The following COL4A6 variants were observed in gnomAD, a reference collection of about 807,000 sequenced individuals.
The protein encoded by COL4A6 is collagen type IV alpha 6 chain.
A neutral mutation model predicts 126.7 loss-of-function variants in COL4A6; 59 were observed. The observed-to-expected ratio is 0.47, with a 90% confidence interval of 0.38 to 0.58. The LOEUF (loss-of-function observed/expected upper bound fraction) is 0.58. COL4A6 is among the 20% of genes least tolerant of loss of function. The pLI is 0.00. For missense variants in COL4A6, 1,285 were observed against 1,337.3 expected (o/e 0.96, Z 0.61); for synonymous variants, 547 against 496.6 (o/e 1.10, Z -1.35).
In COL4A6 at chrX:108,156,677, G is replaced by A. The variant is rs181344454; in HGVS notation, c.*323C>T. 3.3e-6 allele frequency: 1 copy of A among 300,550 alleles called. No homozygotes were observed. The highest frequency in any genetic ancestry group is 5.7e-5 in the Admixed American group (1 of 17,696). 24.8% of individuals were successfully genotyped at this position (300,550 alleles called of 1,213,427 possible). On this transcript the variant is annotated 3_prime_UTR_variant, in exon 45 of 45. Transcript: ENST00000334504. ...TTAGGAAGAGCTTTCCGATCAAGAC[G>A]GTAAGGAGAAAGCTAGCAGTCTAAG... is the stretch of plus-strand genomic sequence containing the variant.
At chrX:108,203,035 G>A (rs1569350838) in intron 12 of COL4A6, 54 bp from the exon 13 acceptor site, 2 of 1,005,070 alleles carry the variant, frequency 2.0e-6, no homozygotes, top group East Asian at 3.0e-5. Flanking sequence ...TGAACGCACA[G>A]TAGGATGGCT....
At chrX:108,157,521 A>G (rs113447258) in intron 44 of COL4A6, among the ~76,000 whole-genome samples, 4 of 111,627 alleles carry the variant, frequency 3.6e-5, no homozygotes, top group African/African-American at 1.3e-4. Context: ...TATGTGGGCA[A>G]TGACTACATG....
intron 2 of COL4A6, among the ~76,000 whole-genome samples, chrX:108,334,264 T>C (rs1321480414): frequency 2.7e-5 from 3 of 111,374 alleles, no homozygotes; most frequent in African/African-American, 9.8e-5. Context: ...AGTCGACACA[T>C]AAAATTACCC....
chrX:108,329,082 G>A (rs2147966790), intron 2 of COL4A6, among the ~76,000 whole-genome samples: 1 of 111,715 alleles, frequency 9.0e-6, no homozygotes, highest in South Asian at 3.8e-4. Context: ...GGCTGGGAAT[G>A]ATGGAGAGAA....
At chrX:108,291,978 T>C (rs1280312975) in intron 3 of COL4A6, among the ~76,000 whole-genome samples, 1 of 111,985 alleles carries the variant, frequency 8.9e-6, no homozygotes, top group Non-Finnish European at 1.9e-5. Context: ...GAGGCCTCTT[T>C]TTAATCACTG....
At chrX:108,372,313 T>C (rs1569447042) in intron 2 of COL4A6, among the ~76,000 whole-genome samples, 2 of 111,447 alleles carry the variant, frequency 1.8e-5, no homozygotes, top group Non-Finnish European at 3.8e-5. Context: ...GCCTAACATA[T>C]CTGAGTAACA....
chrX:108,266,005 G>A (rs1300916362), intron 3 of COL4A6, among the ~76,000 whole-genome samples: 1 of 111,997 alleles, frequency 8.9e-6, no homozygotes, highest in Non-Finnish European at 1.9e-5. Flanking sequence ...AGAGGCAAAG[G>A]TGAGCAGCTA....
At chrX:108,186,166 T>A (rs745727701) in intron 23 of COL4A6, among the ~76,000 whole-genome samples, 1 of 111,935 alleles carries the variant, frequency 8.9e-6, no homozygotes, top group South Asian at 3.8e-4. Context: ...GGGAGTTACA[T>A]GATATTGGCA....
intron 3 of COL4A6, among the ~76,000 whole-genome samples, chrX:108,278,525 C>G (rs1227445583): frequency 9.0e-6 from 1 of 110,791 alleles, no homozygotes; most frequent in East Asian, 2.9e-4. Flanking sequence ...ATTGGTGTAC[C>G]TGAAAGTGAC....
rs1455765450 is a variant in COL4A6 at position 108,343,159 on chromosome X, ATATATAGTGTGTGTGT to A, written c.64-32347_64-32332del. The stretch of plus-strand genomic sequence containing the variant: ...AATATATATATATATATATATATAT[ATATATAGTGTGTGTGT>A]GTGTGTGTGTGTGTGTGTGTGTGTG... On this transcript the variant is annotated intron_variant, in intron 2 of 44. Coordinates refer to ENST00000334504, the MANE Select transcript of COL4A6 (RefSeq NM_033641.4). 2.3e-4 allele frequency among the ~76,000 whole-genome samples: 16 copies of A among 68,948 alleles called. No homozygotes were observed. In the East Asian group the frequency reaches 5.9e-3, roughly 25 times the overall value. 59.9% of individuals were successfully genotyped at this position (68,948 alleles called of 115,157 possible). A position where few individuals can be genotyped will look rare whatever the true frequency, so the allele number is the denominator to read the frequency against.
chrX:108,387,957 G>A (rs1167415957), intron 2 of COL4A6, among the ~76,000 whole-genome samples: 2 of 111,808 alleles, frequency 1.8e-5, no homozygotes, highest in Non-Finnish European at 3.8e-5. Context: ...GGCCTTTTCT[G>A]CATCTATTGA....
At chrX:108,318,517 T>C (rs1469947690) in intron 2 of COL4A6, among the ~76,000 whole-genome samples, 2 of 111,081 alleles carry the variant, frequency 1.8e-5, no homozygotes, top group Non-Finnish European at 3.8e-5. Flanking sequence ...ATAAGCAACT[T>C]CAGCAAAGTC....
intron 2 of COL4A6, among the ~76,000 whole-genome samples, chrX:108,397,878 A>T (rs2040999977): frequency 8.9e-6 from 1 of 112,025 alleles, no homozygotes; most frequent in Non-Finnish European, 1.9e-5. Flanking sequence ...CAATTAGACA[A>T]AAATGTACCT....
chrX:108,285,045 A>T (rs1345194978), intron 3 of COL4A6, among the ~76,000 whole-genome samples: 1 of 111,938 alleles, frequency 8.9e-6, no homozygotes, highest in Non-Finnish European at 1.9e-5. Flanking sequence ...CCTGACAAAC[A>T]GCATTTTGTC....
intron 18 of COL4A6, among the ~76,000 whole-genome samples, chrX:108,192,272 A>C (rs1274053844): frequency 1.8e-5 from 2 of 111,906 alleles, no homozygotes. Flanking sequence ...TTAAGCCAAA[A>C]ACAAAAGCTG....
At chrX:108,172,604 C>G (rs2034347877) in intron 31 of COL4A6, 72 bp from the exon 32 acceptor site, 1 of 830,987 alleles carries the variant, frequency 1.2e-6, no homozygotes, top group Admixed American at 2.6e-5. Context: ...TTCCTCACCC[C>G]TCACTGAGCC....
intron 2 of COL4A6, among the ~76,000 whole-genome samples, chrX:108,318,175 C>T (rs1457553810): frequency 3.6e-5 from 4 of 111,249 alleles, no homozygotes; most frequent in East Asian, 2.8e-4. Context: ...ATTCAACAAC[C>T]CTTCATGCTA....
At chrX:108,332,210 A>G (rs897479094) in intron 2 of COL4A6, among the ~76,000 whole-genome samples, 2 of 111,568 alleles carry the variant, frequency 1.8e-5, no homozygotes, top group Non-Finnish European at 3.8e-5. Context: ...CTGTCATTCC[A>G]TGGGATATAT....
intron 2 of COL4A6, among the ~76,000 whole-genome samples, chrX:108,377,742 A>G (rs2148123849): frequency 9.3e-6 from 1 of 107,737 alleles, no homozygotes; most frequent in Admixed American, 9.9e-5. Flanking sequence ...ATCCTGGCTA[A>G]CATGGTGAAA....
Sources: gnomAD v4.1 joint callset for allele counts (sites outside exome capture counted in the v4.1 genomes callset) on GRCh38, gnomAD v4.1.1 for gene constraint, MANE v1.5 for transcripts, NCBI Gene and HGNC (gene_info 2026-07-23, HGNC 2026-07-21) for gene names.